The following VPS54 variants were observed in gnomAD, a reference collection of about 807,000 sequenced individuals.
The protein encoded by VPS54 is vacuolar protein sorting-associated protein 54.
Under a neutral mutation model 121.5 loss-of-function variants are expected in VPS54, and 45 were observed. The observed-to-expected ratio is 0.37, with a 90% confidence interval of 0.29 to 0.47. The LOEUF is 0.47. VPS54 is among the 20% of genes least tolerant of loss of function. VPS54 has a pLI of 0.99. For missense variants in VPS54, 1,090 were observed against 1,131.4 expected (o/e 0.96, Z 0.52); for synonymous variants, 371 against 385.8 (o/e 0.96, Z 0.45).
intron 7 of VPS54, among the ~76,000 whole-genome samples, chr2:63,959,624 T>C (rs752273998): frequency 3.3e-5 from 5 of 152,202 alleles, no homozygotes; most frequent in Non-Finnish European, 5.9e-5. Flanking sequence ...TGGTGGCTAA[T>C]GCCTGTAATC....
chr2:64,019,380 G>A lies in VPS54; in HGVS notation c.-463C>T, dbSNP rs886472226. Among the ~76,000 whole-genome samples, 11 of 151,108 alleles carry A rather than the reference G, an allele frequency of 7.3e-5. No homozygotes were observed. The highest frequency in any genetic ancestry group is 2.4e-4 in the African/African-American group (10 of 41,336). ...GGCCCAGCCGGCTCGGCCCGGTCGG[G>A]TGCGGGGAGACAGCGCCGGAGGCCG... On this transcript the variant is annotated 5_prime_UTR_variant, in exon 1 of 23. Coordinates refer to ENST00000272322, the MANE Select transcript of VPS54 (RefSeq NM_016516.3).
intron 20 of VPS54, among the ~76,000 whole-genome samples, chr2:63,900,157 T>C (rs543752122): frequency 2.8e-5 from 4 of 145,342 alleles, no homozygotes; most frequent in Non-Finnish European, 6.0e-5. Flanking sequence ...GAGGTGCAGG[T>C]TGCAGTGAGC....
At chr2:63,968,562 CA>C (rs1676119899) in intron 5 of VPS54, among the ~76,000 whole-genome samples, 1 of 151,426 alleles carries the variant, frequency 6.6e-6, no homozygotes, top group South Asian at 2.1e-4. Flanking sequence ...AAATACAAAA[CA>C]AAAAAAGTAG....
At chr2:63,913,185 A>G (rs1159469378) in intron 18 of VPS54, 38 bp downstream of exon 18, 1 of 1,546,962 alleles carries the variant, frequency 6.5e-7, no homozygotes, top group African/African-American at 1.4e-5. Flanking sequence ...CATCACTGTT[A>G]ACACTTCAGC....
Position 63,962,139 on chromosome 2 carries a change from G to T in VPS54, c.929C>A (p.Ser310Tyr). The change falls in exon 7 of 23, where the codon TCT (serine) becomes TAT (tyrosine). Residue 310 changes from serine to tyrosine, a missense_variant. Ser to Tyr is a moderately radical substitution (Grantham distance 144, BLOSUM62 -2). Around this residue, in one of 2 missense-constraint regions of VPS54, gnomAD observed 801 missense variants for 757.0 expected, o/e 1.06. Transcript: ENST00000272322. ...TAAGTCCAATGCTCCAACAAATTCA[G>T]AAGTAGATAATAACACCTGTACTGT... ...QPTVQVLLST[S>Y]EFVGALDLIA... is the part of the protein sequence containing the mutation. 1 of 1,610,156 alleles carries T rather than the reference G, an allele frequency of 6.2e-7. No homozygotes were observed. The highest frequency in any genetic ancestry group is 1.1e-5 in the South Asian group (1 of 90,988).
chr2:63,972,728 A>T (rs762171871), intron 3 of VPS54, among the ~76,000 whole-genome samples: 2 of 152,038 alleles, frequency 1.3e-5, no homozygotes, highest in Non-Finnish European at 2.9e-5. Flanking sequence ...TCTACCAAAA[A>T]TTAGCCAGGA....
At chr2:63,923,330 A>G (rs1179111854) in intron 12 of VPS54, among the ~76,000 whole-genome samples, 2 of 151,812 alleles carry the variant, frequency 1.3e-5, no homozygotes, top group East Asian at 3.9e-4. Context: ...AAAAAAAATT[A>G]TTTTTTAACT....
Position 63,920,454 on chromosome 2 carries a change from G to C in VPS54, c.2043C>G (p.Thr681=), listed in dbSNP as rs755950660. The part of the protein sequence containing the change: ...FVNRFHEERK[T]KLSLLLDNER... ...GGACATGGTGATGATACCTGAGCTTGGTTTTTCTCTCTTCATGAAACCTAT... is the reference window on the plus strand; with the variant it reads ...GGACATGGTGATGATACCTGAGCTTCGTTTTTCTCTCTTCATGAAACCTAT... Residue 681 remains threonine (T), a synonymous_variant, in exon 14 of 23, where the codon ACC becomes ACG. Transcript: ENST00000272322. 2 of 1,530,080 alleles carry C rather than the reference G, an allele frequency of 1.3e-6. No homozygotes were observed. Among genetic ancestry groups the C allele is most frequent in the East Asian group, 5.0e-5 (2 of 39,908 alleles). The allele number at this position is 1,530,080 out of a possible 1,614,324, so 94.8% of individuals were successfully genotyped here.
Position 63,899,489 on chromosome 2 carries a change from T to A in VPS54, c.2718A>T (p.Pro906=), listed in dbSNP as rs139693930. ...TACTTCTCACCTGTGTTTGTTCTTCTGGAAGGAGATCAAATATAGCTTCGT... is the reference window on the plus strand; with the variant it reads ...TACTTCTCACCTGTGTTTGTTCTTCAGGAAGGAGATCAAATATAGCTTCGT... ...KMHEAIFDLL[P]EEQTQMLFLR... The change falls in exon 21 of 23, where the codon CCA becomes CCT. Residue 906 remains proline (P), a synonymous_variant. Coordinates refer to ENST00000272322, the MANE Select transcript of VPS54 (RefSeq NM_016516.3). The A allele has an allele frequency of 2.5e-3, 3,988 of 1,613,756 alleles. 10 individuals are homozygous for A. Among genetic ancestry groups the A allele is most frequent in the Non-Finnish European group, 3.1e-3 (3,704 of 1,179,860 alleles).
chr2:63,977,439 A>G (rs1676594603), intron 3 of VPS54, among the ~76,000 whole-genome samples: 1 of 152,112 alleles, frequency 6.6e-6, no homozygotes, highest in Non-Finnish European at 1.5e-5. Flanking sequence ...CATTTTTATA[A>G]GTTTGTATCA....
intron 20 of VPS54, among the ~76,000 whole-genome samples, chr2:63,912,093 G>C (rs962967413): frequency 6.6e-6 from 1 of 152,022 alleles, no homozygotes; most frequent in African/African-American, 2.4e-5. Flanking sequence ...TTGGAAATCC[G>C]AAAATTTTGT....
intron 1 of VPS54, among the ~76,000 whole-genome samples, chr2:63,994,180 C>T (rs1391153173): frequency 6.6e-6 from 1 of 152,174 alleles, no homozygotes; most frequent in African/African-American, 2.4e-5. Context: ...CCCACTTCTC[C>T]TAATTACCTT....
intron 12 of VPS54, among the ~76,000 whole-genome samples, chr2:63,931,575 C>T (rs1198428438): frequency 6.6e-6 from 1 of 152,136 alleles, no homozygotes; most frequent in African/African-American, 2.4e-5. Context: ...TGGGCAATAC[C>T]ATTCAGGACA....
chr2:63,968,760 A>C (rs866119852), intron 5 of VPS54, among the ~76,000 whole-genome samples, 197 bp downstream of exon 5: 2 of 151,870 alleles, frequency 1.3e-5, no homozygotes, highest in East Asian at 1.9e-4. Context: ...AAAAGAAAGA[A>C]AGACAGAAAA....
chr2:63,904,337 G>A (rs2104413128), intron 20 of VPS54, among the ~76,000 whole-genome samples: 1 of 150,048 alleles, frequency 6.7e-6, no homozygotes, highest in East Asian at 2.0e-4. Flanking sequence ...TACTCAGGAG[G>A]CTGAGGCAGG....
intron 9 of VPS54, among the ~76,000 whole-genome samples, chr2:63,945,916 T>C (rs960293132): frequency 9.2e-5 from 14 of 152,144 alleles, no homozygotes; most frequent in Admixed American, 2.0e-4. Context: ...AAAATATATA[T>C]ACAGAAAATT....
intron 7 of VPS54, among the ~76,000 whole-genome samples, chr2:63,952,594 C>T (rs1043304256): frequency 2.6e-5 from 4 of 152,084 alleles, no homozygotes; most frequent in Non-Finnish European, 5.9e-5. Context: ...TTATAAACAA[C>T]ATATGGTAAG....
chr2:64,010,850 T>A (rs1162026532), intron 1 of VPS54, among the ~76,000 whole-genome samples: 1 of 152,212 alleles, frequency 6.6e-6, no homozygotes, highest in East Asian at 1.9e-4. Flanking sequence ...TATAGTCCTC[T>A]TGAGCATTAA....
intron 20 of VPS54, among the ~76,000 whole-genome samples, chr2:63,905,361 A>G (rs191244880): frequency 6.6e-6 from 1 of 152,302 alleles, no homozygotes; most frequent in African/African-American, 2.4e-5. Flanking sequence ...AACAGCAGAT[A>G]ATACAGATCC....
Sources: gnomAD v4.1 joint callset for allele counts (sites outside exome capture counted in the v4.1 genomes callset) on GRCh38, gnomAD v4.1.1 for gene constraint, gnomAD v4.1.1 regional missense constraint, MANE v1.5 for transcripts, NCBI Gene and HGNC (gene_info 2026-07-23, HGNC 2026-07-21) for gene names.